Variants in RABEP1 observed in about 807,000 individuals in gnomAD.
RABEP1 encodes rab GTPase-binding effector protein 1.
In RABEP1, 51 loss-of-function variants were observed where a neutral mutation model predicts 123.4. The ratio of observed to expected loss-of-function variants is 0.41; its 90% CI spans 0.33 to 0.52. The LOEUF is 0.52. Ranked by LOEUF, RABEP1 falls within the 20% of genes least tolerant of loss-of-function variation. The probability of loss-of-function intolerance (pLI) is 0.16; values close to 1 mark genes in which losing one functional copy is unlikely to be tolerated. For missense variants in RABEP1, 888 were observed against 996.3 expected, an observed-to-expected ratio of 0.89 and a Z score of 1.46; for synonymous variants, 347 against 355.2, an observed-to-expected ratio of 0.98 and a Z score of 0.26.
chr17:5,375,099 C>CTTTTTTT (rs529411322), intron 13 of RABEP1, among the ~76,000 whole-genome samples: 3 of 125,836 alleles, frequency 2.4e-5, no homozygotes, highest in African/African-American at 2.9e-5. Context: ...ATACCTGTTT[C>CTTTTTTT]TTTTTTTTTT....
chr17:5,365,139 G>A lies in RABEP1; in HGVS notation c.1686G>A (p.Leu562=). 6.2e-7 allele frequency: 1 copy of A among 1,604,598 alleles called. No individual in the cohort carries two copies. Among genetic ancestry groups the A allele is most frequent in the Non-Finnish European group, 8.5e-7 (1 of 1,177,064 alleles). The change falls in exon 11 of 18, where the codon CTG becomes CTA. Residue 562 remains leucine, a synonymous_variant. Transcript: ENST00000537505. ...ETRDQVKKLQ[L]MLRQANDQLE... ...TGATACAGGTGAAAAAACTACAGCTGATGCTAAGGCAAGCTAATGACCAGT... is the reference window on the plus strand; with the variant it reads ...TGATACAGGTGAAAAAACTACAGCTAATGCTAAGGCAAGCTAATGACCAGT...
chr17:5,297,075 C>T (rs181701145), intron 1 of RABEP1, among the ~76,000 whole-genome samples: 424 of 151,956 alleles, frequency 2.8e-3, no homozygotes, highest in African/African-American at 9.8e-3. Flanking sequence ...TGACTTTTTC[C>T]GAATGTTTTG....
chr17:5,296,102 T>C (rs937231), intron 1 of RABEP1, among the ~76,000 whole-genome samples: 1 of 151,994 alleles, frequency 6.6e-6, no homozygotes, highest in Admixed American at 6.6e-5. Context: ...TCTGGATGTT[T>C]GTTTTTGCGC....
intron 8 of RABEP1, among the ~76,000 whole-genome samples, chr17:5,359,619 G>A (rs1192482693): frequency 1.3e-5 from 2 of 151,892 alleles, no homozygotes; most frequent in African/African-American, 4.8e-5. Context: ...TCTTTAAAAG[G>A]AAAGAAATGG....
intron 1 of RABEP1, among the ~76,000 whole-genome samples, chr17:5,282,844 C>T (rs1226975367): frequency 1.3e-5 from 2 of 151,594 alleles, no homozygotes; most frequent in African/African-American, 4.8e-5. Flanking sequence ...GTGGGTTCTG[C>T]CCGTGGGGGA....
intron 1 of RABEP1, among the ~76,000 whole-genome samples, chr17:5,291,193 G>A (rs1358198245): frequency 1.3e-5 from 2 of 151,884 alleles, no homozygotes; most frequent in Admixed American, 6.6e-5. Context: ...GGTGGACCAC[G>A]CGGTCAGGAC....
chr17:5,363,770 T>G (rs915625609), intron 10 of RABEP1, among the ~76,000 whole-genome samples: 6 of 152,194 alleles, frequency 3.9e-5, no homozygotes, highest in African/African-American at 1.4e-4. Context: ...TGTCATAAAT[T>G]TGTTGAATTA....
At chr17:5,316,241 A>C (rs991472129) in intron 2 of RABEP1, among the ~76,000 whole-genome samples, 1 of 151,994 alleles carries the variant, frequency 6.6e-6, no homozygotes, top group Non-Finnish European at 1.5e-5. Flanking sequence ...GCCTGAGTTC[A>C]GGAGTTTGAG....
intron 5 of RABEP1, among the ~76,000 whole-genome samples, chr17:5,344,616 T>C (rs545835647): frequency 1.4e-5 from 2 of 147,304 alleles, no homozygotes; most frequent in African/African-American, 5.0e-5. Context: ...ACTAAAAATA[T>C]GAAAAATTAG....
In RABEP1 at chr17:5,297,121, A is replaced by G. The variant is rs377756982; in HGVS notation, c.35-11573A>G. On this transcript the variant is annotated intron_variant, in intron 1 of 17. Coordinates refer to ENST00000537505, the MANE Select transcript of RABEP1 (RefSeq NM_004703.6). ...TGATACTGCAGTCAATATTCTTGCA[A>G]TTATGTCTTTATACATATCTATGAT... Among the ~76,000 whole-genome samples, 6 of 152,184 alleles carry G rather than the reference A, an allele frequency of 3.9e-5. No individual in the cohort carries two copies. The South Asian group carries it at 6.2e-4, about 16-fold the overall frequency.
chr17:5,286,968 G>A (rs1421362622), intron 1 of RABEP1, among the ~76,000 whole-genome samples: 1 of 152,212 alleles, frequency 6.6e-6, no homozygotes, highest in Admixed American at 6.5e-5. Flanking sequence ...TAGCCTTGAG[G>A]ATATCTGGTG....
intron 1 of RABEP1, among the ~76,000 whole-genome samples, chr17:5,307,511 G>C (rs1022359545): frequency 6.6e-6 from 1 of 152,188 alleles, no homozygotes; most frequent in African/African-American, 2.4e-5. Flanking sequence ...TCATTATCTG[G>C]AGTGACTTGC....
At chr17:5,299,065 C>A (rs1482555645) in intron 1 of RABEP1, among the ~76,000 whole-genome samples, 1 of 152,180 alleles carries the variant, frequency 6.6e-6, no homozygotes, top group Admixed American at 6.5e-5. Flanking sequence ...AACAGTAACA[C>A]CAAATATCCA....
At chr17:5,342,500 TG>T (rs943194953) in intron 5 of RABEP1, among the ~76,000 whole-genome samples, 4 of 152,114 alleles carry the variant, frequency 2.6e-5, no homozygotes, top group Non-Finnish European at 4.4e-5. Context: ...TAGTCGAGCA[TG>T]GTTGCGGAAG....
intron 1 of RABEP1, among the ~76,000 whole-genome samples, chr17:5,286,218 G>A (rs983413637): frequency 6.6e-6 from 1 of 152,138 alleles, no homozygotes; most frequent in East Asian, 1.9e-4. Flanking sequence ...TTGTTTGGCC[G>A]GGCATGGTGG....
chr17:5,294,306 C>T (rs1304438969), intron 1 of RABEP1, among the ~76,000 whole-genome samples: 1 of 152,124 alleles, frequency 6.6e-6, no homozygotes, highest in African/African-American at 2.4e-5. Context: ...ACTGCTTGAA[C>T]CCGGGAGGCG....
chr17:5,352,273 A>T (rs752494918), intron 7 of RABEP1, among the ~76,000 whole-genome samples: 1 of 150,232 alleles, frequency 6.7e-6, no homozygotes, highest in Non-Finnish European at 1.5e-5. Context: ...GCTCACTGCA[A>T]CCTCCGCCTC....
chr17:5,354,612 G>A, intron 8 of RABEP1, 122 bp downstream of exon 8: 1 of 873,258 alleles, frequency 1.1e-6, no homozygotes, highest in Non-Finnish European at 1.6e-6. Flanking sequence ...CGAGGTGAAA[G>A]TTAGATAAAA....
rs1280725239 is a variant in RABEP1, at chr17:5,385,189, A to G, written c.*1966A>G. The G allele has an allele frequency of 4.3e-6, 1 of 229,922 alleles. No individual in the cohort carries two copies. Among genetic ancestry groups the G allele is most frequent in the Admixed American group, 5.7e-5 (1 of 17,658 alleles). 14.2% of individuals were successfully genotyped at this position (229,922 alleles called of 1,614,324 possible). ...TGAGACTCTTAAGTTTTGTTTAGCA[A>G]TGTGTTTCTGGTATGAAACAAACTA... On this transcript the variant is annotated 3_prime_UTR_variant, in exon 18 of 18. Coordinates refer to ENST00000537505, the MANE Select transcript of RABEP1 (RefSeq NM_004703.6).
Sources: gnomAD v4.1 joint callset for allele counts (sites outside exome capture counted in the v4.1 genomes callset) on GRCh38, gnomAD v4.1.1 for gene constraint, MANE v1.5 for transcripts, NCBI Gene and HGNC (gene_info 2026-07-23, HGNC 2026-07-21) for gene names.